Variants in ZDHHC14 observed in about 807,000 individuals in gnomAD.
The protein encoded by ZDHHC14 is palmitoyltransferase ZDHHC14.
In ZDHHC14, 16 loss-of-function variants were observed where a neutral mutation model predicts 47.7. The observed-to-expected ratio is 0.34, with a 90% confidence interval of 0.23 to 0.51. ZDHHC14 has a LOEUF of 0.51. ZDHHC14 is among the 20% of genes least tolerant of loss of function. ZDHHC14 has a pLI of 0.97. For synonymous variants in ZDHHC14, 293 were observed against 278.9 expected, an observed-to-expected ratio of 1.05 and a Z score of -0.50; for missense variants, 515 against 662.5, an observed-to-expected ratio of 0.78 and a Z score of 2.44.
At chr6:157,418,933 T>C (rs566407285) in intron 1 of ZDHHC14, among the ~76,000 whole-genome samples, 2 of 152,328 alleles carry the variant, frequency 1.3e-5, no homozygotes, top group African/African-American at 4.8e-5. Context: ...TCAGTTATTA[T>C]ATTGGACTGC....
Position 157,632,895 on chromosome 6 carries a change from A to G in ZDHHC14, c.752+13A>G, listed in dbSNP as rs1776767144. ...ACAGTCCTGCAAGATATCCTTTGTG[A>G]TGATTCTGTTTTCACGATGCTAATG... On this transcript the variant is annotated intron_variant, in intron 5 of 8. Coordinates refer to ENST00000359775, the MANE Select transcript of ZDHHC14 (RefSeq NM_024630.3). The G allele has an allele frequency of 1.2e-6, 2 of 1,613,900 alleles. No individual in the cohort carries two copies. Among genetic ancestry groups the G allele is most frequent in the African/African-American group, 1.3e-5 (1 of 74,908 alleles).
chr6:157,661,621 TGCCTCTGACCTTTGCTG>T (rs1778347054), intron 8 of ZDHHC14, among the ~76,000 whole-genome samples: 2 of 152,218 alleles, frequency 1.3e-5, no homozygotes, highest in South Asian at 4.1e-4. Context: ...GCACCTGGGC[TGCCTCTGACCTTTGCTG>T]GCCCTGACAC....
At chr6:157,658,789 CTT>C (rs917960733) in intron 8 of ZDHHC14, among the ~76,000 whole-genome samples, 11 of 152,116 alleles carry the variant, frequency 7.2e-5, no homozygotes, top group African/African-American at 2.7e-4. Context: ...CTCGTGAAGT[CTT>C]TGTCTGGTGT....
intron 1 of ZDHHC14, among the ~76,000 whole-genome samples, chr6:157,387,930 ATGTCT>A (rs1777350782): frequency 6.6e-6 from 1 of 152,032 alleles, no homozygotes; most frequent in Non-Finnish European, 1.5e-5. Flanking sequence ...ATGATTAATA[ATGTCT>A]TGTAGAACAC....
At chr6:157,614,141 T>TG (rs952259456) in intron 3 of ZDHHC14, among the ~76,000 whole-genome samples, 9 of 151,436 alleles carry the variant, frequency 5.9e-5, no homozygotes, top group Admixed American at 5.3e-4. Context: ...GTAGGGGGGA[T>TG]GGGGGGGCGG....
At chr6:157,653,937 T>C (rs1391498481) in intron 8 of ZDHHC14, among the ~76,000 whole-genome samples, 3 of 152,152 alleles carry the variant, frequency 2.0e-5, no homozygotes, top group Admixed American at 1.3e-4. Context: ...CAGGCTGTTG[T>C]TACACATCCC....
intron 1 of ZDHHC14, among the ~76,000 whole-genome samples, chr6:157,520,222 C>T (rs929194795): frequency 1.3e-5 from 2 of 152,142 alleles, no homozygotes; most frequent in Admixed American, 1.3e-4. Context: ...GAGGAGCCTC[C>T]AGGAAGATTT....
At chr6:157,399,788 G>T (rs1026262949) in intron 1 of ZDHHC14, among the ~76,000 whole-genome samples, 6 of 152,246 alleles carry the variant, frequency 3.9e-5, no homozygotes, top group South Asian at 2.1e-4. Flanking sequence ...GGCTGGCTGG[G>T]TGGCTCTGAT....
Position 157,593,153 on chromosome 6 carries a change from A to G in ZDHHC14, c.565+7A>G. On this transcript the variant is annotated splice_region_variant and intron_variant, in intron 3 of 8. Transcript: ENST00000359775. ...CTTTGTGATAACTGCGTAGGTGAGT[A>G]GTGCCTGGGCGGAGCCTGGCGGGAG... 1 of 1,608,332 alleles carries G rather than the reference A, an allele frequency of 6.2e-7. No homozygotes were observed. The highest frequency in any genetic ancestry group is 8.5e-7 in the Non-Finnish European group (1 of 1,177,086).
chr6:157,394,395 T>G (rs1020867674), intron 1 of ZDHHC14, among the ~76,000 whole-genome samples: 2 of 152,226 alleles, frequency 1.3e-5, no homozygotes, highest in East Asian at 3.8e-4. Flanking sequence ...AAGGTGAGGT[T>G]AGAAAACATG....
At chr6:157,563,004 C>T (rs1029612048) in intron 2 of ZDHHC14, among the ~76,000 whole-genome samples, 7 of 152,232 alleles carry the variant, frequency 4.6e-5, no homozygotes, top group Non-Finnish European at 8.8e-5. Context: ...GGGAGCAAGG[C>T]GGCATGGAGG....
chr6:157,637,844 A>G (rs530400352), intron 5 of ZDHHC14, among the ~76,000 whole-genome samples: 13 of 152,378 alleles, frequency 8.5e-5, no homozygotes, highest in African/African-American at 3.1e-4. Context: ...ACTAAAAACA[A>G]TGTCATTGAG....
chr6:157,587,145 T>A (rs1261624807), intron 2 of ZDHHC14, among the ~76,000 whole-genome samples: 1 of 152,264 alleles, frequency 6.6e-6, no homozygotes, highest in African/African-American at 2.4e-5. Flanking sequence ...GAGTTCGTAT[T>A]TTATAAAAAG....
At chr6:157,558,327 C>T (rs1223844209) in intron 2 of ZDHHC14, among the ~76,000 whole-genome samples, 1 of 152,106 alleles carries the variant, frequency 6.6e-6, no homozygotes, top group African/African-American at 2.4e-5. Flanking sequence ...TTGACAGATG[C>T]CTGGTATTCT....
At chr6:157,450,463 C>T (rs536279434) in intron 1 of ZDHHC14, among the ~76,000 whole-genome samples, 1 of 148,792 alleles carries the variant, frequency 6.7e-6, no homozygotes, top group Non-Finnish European at 1.5e-5. Context: ...TGTAGTGAGC[C>T]GAGATCGCGC....
At chr6:157,569,935 TG>T (rs1783037162) in intron 2 of ZDHHC14, among the ~76,000 whole-genome samples, 1 of 152,226 alleles carries the variant, frequency 6.6e-6, no homozygotes, top group Non-Finnish European at 1.5e-5. Flanking sequence ...GGTTTATATT[TG>T]TTAACCTTAA....
chr6:157,595,174 A>ATTTTTTTTTTTTTTTTTTTTTTTTTTT (rs777568494), intron 3 of ZDHHC14, among the ~76,000 whole-genome samples: 3 of 62,716 alleles, frequency 4.8e-5, no homozygotes, highest in African/African-American at 1.5e-4. Context: ...TCTAGGCTAG[A>ATTTTTTTTTTTTTTTTTTTTTTTTTTT]TTTTTTTTTT....
At chr6:157,587,723 A>C (rs1783749386) in intron 2 of ZDHHC14, among the ~76,000 whole-genome samples, 1 of 152,232 alleles carries the variant, frequency 6.6e-6, no homozygotes, top group African/African-American at 2.4e-5. Context: ...CATGGCCAGT[A>C]GCAGTTCAAA....
chr6:157,392,900 A>AGTTGCCCAGGCTGTT (rs1214260970), intron 1 of ZDHHC14, among the ~76,000 whole-genome samples: 5 of 151,632 alleles, frequency 3.3e-5, no homozygotes, highest in Non-Finnish European at 7.4e-5. Context: ...TTTGAGATGG[A>AGTTGCCCAGGCTGTT]GTTGCCCAGG....
Sources: allele counts gnomAD v4.1 joint callset (sites outside exome capture counted in the v4.1 genomes callset), GRCh38; gene constraint gnomAD v4.1.1; transcripts MANE v1.5; gene names NCBI Gene and HGNC (gene_info 2026-07-23, HGNC 2026-07-21).